TPST2: variants seen among roughly 807,000 people sequenced by gnomAD.
The protein encoded by TPST2 is tyrosylprotein sulfotransferase 2.
TPST2 carries 16 observed loss-of-function variants against 27.8 expected under a neutral mutation model. The ratio of observed to expected loss-of-function variants is 0.58; its 90% CI spans 0.39 to 0.88. The LOEUF is 0.88. Ranked by LOEUF, TPST2 falls within the 40% of genes least tolerant of loss-of-function variation. The probability of loss-of-function intolerance (pLI) is 0.00; values close to 1 mark genes in which losing one functional copy is unlikely to be tolerated. For missense variants in TPST2, 464 were observed against 543.1 expected (o/e 0.85, Z 1.45); for synonymous variants, 229 against 231.7 (o/e 0.99, Z 0.10).
At chr22:26,571,087 A>G (rs1486580295) in intron 1 of TPST2, among the ~76,000 whole-genome samples, 2 of 152,016 alleles carry the variant, frequency 1.3e-5, no homozygotes, top group Non-Finnish European at 2.9e-5. Flanking sequence ...GCATCCTCCC[A>G]TGGCTCCCAC....
At chr22:26,587,738 T>C (rs1448244038) in intron 1 of TPST2, among the ~76,000 whole-genome samples, 1 of 152,168 alleles carries the variant, frequency 6.6e-6, no homozygotes, top group Non-Finnish European at 1.5e-5. Context: ...GGAACCCTCA[T>C]ACACTGGTGG....
intron 4 of TPST2, among the ~76,000 whole-genome samples, chr22:26,534,263 T>G: frequency 6.6e-6 from 1 of 152,108 alleles, no homozygotes; most frequent in East Asian, 1.9e-4. Flanking sequence ...TCCACAGCAC[T>G]CACAGAAGCA....
At chr22:26,570,806 T>C (rs1187112881) in intron 1 of TPST2, among the ~76,000 whole-genome samples, 5 of 152,110 alleles carry the variant, frequency 3.3e-5, no homozygotes, top group African/African-American at 4.8e-5. Flanking sequence ...GCCAAAAACC[T>C]TGAAGGCAGC....
chr22:26,557,666 C>A (rs945253151), intron 1 of TPST2, among the ~76,000 whole-genome samples: 13 of 151,690 alleles, frequency 8.6e-5, no homozygotes, highest in African/African-American at 3.2e-4. Context: ...GGAGGGGACA[C>A]AGGCTCTCTC....
chr22:26,560,385 G>A, intron 1 of TPST2: 1 of 589,450 alleles, frequency 1.7e-6, no homozygotes, highest in Non-Finnish European at 3.0e-6. Flanking sequence ...TCATATTGCA[G>A]CAGTGCCATA....
intron 1 of TPST2, among the ~76,000 whole-genome samples, chr22:26,570,027 GAA>G (rs1227594343): frequency 8.4e-6 from 1 of 119,532 alleles, no homozygotes; most frequent in Non-Finnish European, 1.7e-5. Context: ...AAGAAAGAAA[GAA>G]AGAAAGAAAG....
intron 1 of TPST2, among the ~76,000 whole-genome samples, chr22:26,571,309 A>T (rs937658176): frequency 2.6e-5 from 4 of 151,380 alleles, no homozygotes; most frequent in Admixed American, 6.6e-5. Context: ...CACTTGGCTC[A>T]CTCTCTCACC....
At chr22:26,556,397 A>G (rs4820686) in intron 1 of TPST2, among the ~76,000 whole-genome samples, 40,279 of 152,012 alleles carry the variant, frequency 0.26, 5,449 homozygotes, top group Non-Finnish European at 0.27. Flanking sequence ...AAAATTAGCC[A>G]GGCGTGGTGG....
chr22:26,581,340 G>A (rs1928104408), intron 1 of TPST2, among the ~76,000 whole-genome samples: 1 of 152,128 alleles, frequency 6.6e-6, no homozygotes, highest in Admixed American at 6.5e-5. Context: ...TGCAGGGCTG[G>A]GACCCCATCC....
At position 26,538,451 on chromosome 22, in the gene TPST2, AAC is replaced by A. The variant is rs1454106477; in HGVS notation, c.843-1967_843-1966del. Among the ~76,000 whole-genome samples, 6 of 152,384 alleles carry A rather than the reference AAC, an allele frequency of 3.9e-5. No individual in the cohort carries two copies. The East Asian group carries it at 1.2e-3, about 29-fold the overall frequency. ...GATACATATCAGTAAAACTGGAAATAACCGAAGTGTCCAACAATAGGGAATGT... is the reference window on the plus strand; with the variant it reads ...GATACATATCAGTAAAACTGGAAATACGAAGTGTCCAACAATAGGGAATGT... On this transcript the variant is annotated intron_variant, in intron 3 of 6. Coordinates refer to ENST00000338754, the MANE Select transcript of TPST2 (RefSeq NM_003595.5).
At chr22:26,581,109 C>T (rs973849751) in intron 1 of TPST2, among the ~76,000 whole-genome samples, 1 of 151,942 alleles carries the variant, frequency 6.6e-6, no homozygotes, top group African/African-American at 2.4e-5. Context: ...ACATACCAGG[C>T]CACAGAGTCT....
At chr22:26,535,875 G>A (rs1925427252) in intron 4 of TPST2, 1 of 340,034 alleles carries the variant, frequency 2.9e-6, no homozygotes, top group African/African-American at 2.1e-5. Flanking sequence ...ATTTGTCTGA[G>A]AAATCCACAT....
Position 26,555,187 on chromosome 22 carries a change from T to C in TPST2, c.-160-10512A>G, listed in dbSNP as rs763737409. ...TTAACAAGCGCTGCCCCTTGCTCCC[T>C]CTCTGTGAAACACCGCTTAAGGCAC... On this transcript the variant is annotated intron_variant, in intron 1 of 6. Coordinates refer to ENST00000338754, the MANE Select transcript of TPST2 (RefSeq NM_003595.5). 1.9e-5 allele frequency: 10 copies of C among 533,658 alleles called. No individual in the cohort carries two copies. In the East Asian group the frequency reaches 2.7e-4, roughly 15 times the overall value. 33.1% of individuals were successfully genotyped at this position (533,658 alleles called of 1,614,324 possible). A position where few individuals can be genotyped will look rare whatever the true frequency, so the allele number is the denominator to read the frequency against.
chr22:26,529,943 G>A (rs1355812896), intron 5 of TPST2, among the ~76,000 whole-genome samples: 1 of 152,114 alleles, frequency 6.6e-6, no homozygotes, highest in Non-Finnish European at 1.5e-5. Context: ...TTGGGGAGAG[G>A]TCCCACTCCC....
At chr22:26,579,640 A>C (rs1468427798) in intron 1 of TPST2, among the ~76,000 whole-genome samples, 1 of 152,228 alleles carries the variant, frequency 6.6e-6, no homozygotes. Context: ...GATGTCAGCC[A>C]CCAGCCAAAG....
At chr22:26,552,254 C>G (rs771288106) in intron 1 of TPST2, among the ~76,000 whole-genome samples, 1 of 152,104 alleles carries the variant, frequency 6.6e-6, no homozygotes, top group Non-Finnish European at 1.5e-5. Context: ...CTAAGGAACG[C>G]GTGGTCCGGT....
At chr22:26,551,078 C>T (rs1015353540) in intron 1 of TPST2, among the ~76,000 whole-genome samples, 6 of 152,156 alleles carry the variant, frequency 3.9e-5, no homozygotes, top group African/African-American at 1.4e-4. Flanking sequence ...TGGATTGCTA[C>T]AGCAAAGGAG....
intron 1 of TPST2, among the ~76,000 whole-genome samples, chr22:26,566,929 G>C (rs1381479402): frequency 4.6e-5 from 7 of 152,184 alleles, no homozygotes; most frequent in South Asian, 2.1e-4. Context: ...GTGGTAGTAT[G>C]GGGTGGGGCT....
chr22:26,547,332 T>G (rs981577210), intron 1 of TPST2, among the ~76,000 whole-genome samples: 4 of 152,160 alleles, frequency 2.6e-5, no homozygotes, highest in Non-Finnish European at 5.9e-5. Flanking sequence ...ACTCCTGGAC[T>G]CAAGCAATAC....
Sources: gnomAD v4.1 joint callset for allele counts (sites outside exome capture counted in the v4.1 genomes callset) on GRCh38, gnomAD v4.1.1 for gene constraint, MANE v1.5 for transcripts, NCBI Gene and HGNC (gene_info 2026-07-23, HGNC 2026-07-21) for gene names.